The following NEK1 variants were observed in gnomAD, a reference collection of about 807,000 sequenced individuals.
NEK1 encodes NIMA related kinase 1, also known as serine/threonine-protein kinase Nek1.
Under a neutral mutation model 182.1 loss-of-function variants are expected in NEK1, and 137 were observed. The ratio of observed to expected loss-of-function variants is 0.75; its 90% confidence interval spans 0.65 to 0.87. The LOEUF is 0.87. Among genes scored for constraint, NEK1 ranks in the 40% least tolerant of loss-of-function variants. NEK1 has a pLI of 0.00. For synonymous variants in NEK1, 513 were observed against 492.2 expected, an observed-to-expected ratio of 1.04 and a Z score of -0.56; for missense variants, 1,391 against 1,494.4, an observed-to-expected ratio of 0.93 and a Z score of 1.14.
intron 23 of NEK1, among the ~76,000 whole-genome samples, chr4:169,494,901 G>A (rs1408341990): frequency 6.6e-6 from 1 of 152,172 alleles, no homozygotes; most frequent in East Asian, 1.9e-4. Context: ...GTCTTCTTTT[G>A]AGAAGCGTCT....
At chr4:169,540,519 G>A (rs1297171972) in intron 18 of NEK1, among the ~76,000 whole-genome samples, 1 of 152,004 alleles carries the variant, frequency 6.6e-6, no homozygotes, top group African/African-American at 2.4e-5. Flanking sequence ...GCTTGTGCTG[G>A]GATCATGGGG....
At chr4:169,449,766 C>T (rs1275299421) in intron 27 of NEK1, among the ~76,000 whole-genome samples, 5 of 152,174 alleles carry the variant, frequency 3.3e-5, no homozygotes, top group East Asian at 3.9e-4. Flanking sequence ...AGAGCACCTC[C>T]TCTCCTCCAA....
chr4:169,419,625 G>A (rs562836777), intron 31 of NEK1, among the ~76,000 whole-genome samples: 1 of 152,198 alleles, frequency 6.6e-6, no homozygotes, highest in Non-Finnish European at 1.5e-5. Context: ...TGGAAGTACA[G>A]TCATGCTTTG....
At chr4:169,474,391 C>A (rs189023949) in intron 26 of NEK1, among the ~76,000 whole-genome samples, 11 of 152,294 alleles carry the variant, frequency 7.2e-5, no homozygotes, top group Admixed American at 5.2e-4. Flanking sequence ...TCTTTTTACA[C>A]AAGGTTACAA....
chr4:169,417,768 G>C (rs1734790163), intron 31 of NEK1, among the ~76,000 whole-genome samples: 1 of 152,150 alleles, frequency 6.6e-6, no homozygotes, highest in Admixed American at 6.5e-5. Context: ...ATTGTGTTTA[G>C]ATATTAAACA....
rs769787050 is a variant in NEK1, at chr4:169,602,100, G to A, written c.122C>T (p.Ser41Phe). The A allele has an allele frequency of 6.2e-7, 1 of 1,609,110 alleles. No homozygotes were observed. The highest frequency in any genetic ancestry group is 1.1e-5 in the South Asian group (1 of 90,956). ...VIKEINISRM[S>F]SKEREESRRE... Reference sequence around the variant, plus strand: ...CCTTGATTCTTCTCTTTCTTTACTGGACATCTTAAATGGGAGGAAAAAGAA... The same window carrying A: ...CCTTGATTCTTCTCTTTCTTTACTGAACATCTTAAATGGGAGGAAAAAGAA... Residue 41 changes from serine (S) to phenylalanine (F), a missense_variant, in exon 4 of 36, where the codon TCC (serine) becomes TTC (phenylalanine). By Grantham distance (155) the Ser-to-Phe change is radical. Transcript: ENST00000507142.
chr4:169,401,279 G>A (rs1731635904), intron 33 of NEK1, among the ~76,000 whole-genome samples: 1 of 151,996 alleles, frequency 6.6e-6, no homozygotes, highest in Non-Finnish European at 1.5e-5. Context: ...AGAGTTTTTA[G>A]TACTTTAAAA....
intron 19 of NEK1, among the ~76,000 whole-genome samples, chr4:169,524,776 GA>G (rs1756645933): frequency 6.6e-6 from 1 of 152,102 alleles, no homozygotes; most frequent in Non-Finnish European, 1.5e-5. Flanking sequence ...TAATGGTATG[GA>G]AAAATGAAAA....
Position 169,463,298 on chromosome 4 carries a change from T to C in NEK1, c.2532A>G (p.Gly844=), listed in dbSNP as rs751959086. 1.2e-6 allele frequency: 2 copies of C among 1,604,984 alleles called. No individual in the cohort carries two copies. The highest frequency in any genetic ancestry group is 3.4e-5 in the Admixed American group (2 of 59,388). Residue 844 remains glycine, a synonymous_variant, in exon 27 of 36, where the codon GGA becomes GGG. Transcript: ENST00000507142. The part of the protein sequence containing the change: ...SPTDSVLKIL[G]EAELQLQTEL... ...CTGTCTGAAGTTGTAGTTCAGCTTCTCCAAGTATCTTTAGAACAGAATCTG... is the reference window on the plus strand; with the variant it reads ...CTGTCTGAAGTTGTAGTTCAGCTTCCCCAAGTATCTTTAGAACAGAATCTG...
At position 169,424,690 on chromosome 4, in the gene NEK1, G is replaced by A. The variant is rs769781253; in HGVS notation, c.3085C>T (p.Gln1029Ter). 1 of 1,613,866 alleles carries A rather than the reference G, an allele frequency of 6.2e-7. No individual in the cohort carries two copies. Among genetic ancestry groups the A allele is most frequent in the Non-Finnish European group, 8.5e-7 (1 of 1,179,828 alleles). ...VHSEHLNLVP[Q>*]VQSVQCSPEE... ...GGTGAACACTGAACTGATTGAACTT[G>A]AGGGACTAAGTTCAAGTGTTCAGAA... Residue 1029 changes from glutamine to a stop codon, truncating the protein, a stop_gained, in exon 31 of 36, where the codon CAA becomes TAA. Coordinates refer to ENST00000507142, the MANE Select transcript of NEK1 (RefSeq NM_001199397.3). LOFTEE classifies it high-confidence loss of function.
intron 23 of NEK1, among the ~76,000 whole-genome samples, chr4:169,491,651 C>T (rs1280041467): frequency 6.6e-6 from 1 of 152,096 alleles, no homozygotes; most frequent in African/African-American, 2.4e-5. Context: ...ATAACTACTA[C>T]CACAAGAACA....
At chr4:169,508,990 C>T in intron 19 of NEK1, 138 bp from the exon 20 acceptor site, 1 of 613,148 alleles carries the variant, frequency 1.6e-6, no homozygotes. Context: ...ATAACAAACC[C>T]TGGCGTTTTC....
rs1401864303 is a variant in NEK1, at chr4:169,587,465, G to T, written c.606+94C>A. ...TTAGAGGAGAATTTCTAGGATGAGG[G>T]TTACCTGAAAGATAATATAACTTAA... On this transcript the variant is annotated intron_variant, in intron 9 of 35. Transcript: ENST00000507142. 7.2e-6 allele frequency: 5 copies of T among 696,188 alleles called. No individual in the cohort carries two copies. In the African/African-American group the frequency reaches 7.7e-5, roughly 11 times the overall value. 43.1% of individuals were successfully genotyped at this position (696,188 alleles called of 1,614,324 possible). A position where few individuals can be genotyped will look rare whatever the true frequency, so the allele number is the denominator to read the frequency against.
At chr4:169,507,181 A>C in intron 22 of NEK1, 49 bp from the exon 23 acceptor site, 2 of 749,362 alleles carry the variant, frequency 2.7e-6, no homozygotes, top group Non-Finnish European at 4.0e-6. Flanking sequence ...AGAAGGGCAG[A>C]GGTTTTTTTT....
chr4:169,419,025 T>G (rs1422251101), intron 31 of NEK1, among the ~76,000 whole-genome samples: 1 of 152,098 alleles, frequency 6.6e-6, no homozygotes, highest in East Asian at 1.9e-4. Context: ...GTTTAATGAA[T>G]TACTCATGTT....
At chr4:169,547,895 T>G (rs1300400232) in intron 18 of NEK1, among the ~76,000 whole-genome samples, 1 of 152,192 alleles carries the variant, frequency 6.6e-6, no homozygotes, top group Non-Finnish European at 1.5e-5. Flanking sequence ...GGTTCTTAGC[T>G]TCCTTGCATT....
chr4:169,416,496 T>C (rs928859510), intron 31 of NEK1, among the ~76,000 whole-genome samples: 9 of 152,244 alleles, frequency 5.9e-5, no homozygotes, highest in Non-Finnish European at 1.2e-4. Context: ...TAAAGATATA[T>C]TAATGTACAT....
chr4:169,450,067 G>C (rs1741402660), intron 27 of NEK1, among the ~76,000 whole-genome samples: 1 of 152,226 alleles, frequency 6.6e-6, no homozygotes, highest in Non-Finnish European at 1.5e-5. Flanking sequence ...TCAAGTGGAA[G>C]AAAGGGTATC....
chr4:169,575,738 C>A (rs1765585782), intron 12 of NEK1, among the ~76,000 whole-genome samples: 1 of 152,188 alleles, frequency 6.6e-6, no homozygotes, highest in African/African-American at 2.4e-5. Flanking sequence ...TTGCCAGCCC[C>A]AGACTGTGGG....
Sources: gnomAD v4.1 joint callset for allele counts (sites outside exome capture counted in the v4.1 genomes callset) on GRCh38, gnomAD v4.1.1 for gene constraint, MANE v1.5 for transcripts, NCBI Gene and HGNC (gene_info 2026-07-23, HGNC 2026-07-21) for gene names.